IGFL2: variants seen among roughly 807,000 people sequenced by gnomAD.
IGFL2 encodes IGF like family member 2.
Under a neutral mutation model 13.9 loss-of-function variants are expected in IGFL2, and 7 were observed. That is an observed-to-expected ratio of 0.51 (90% CI 0.29 to 0.95). The LOEUF (loss-of-function observed/expected upper bound fraction) is 0.95. Ranked by LOEUF, IGFL2 falls within the 40% of genes least tolerant of loss-of-function variation. The pLI, the probability that IGFL2 is intolerant of heterozygous loss-of-function variation, is 0.08. For synonymous variants in IGFL2, 55 were observed against 55.8 expected (o/e 0.99, Z 0.07); for missense variants, 138 against 147.8 (o/e 0.93, Z 0.34).
the IGFL2 span, among the ~76,000 whole-genome samples, chr19:46,116,812 A>ATG: frequency 1.3e-5 from 2 of 152,332 alleles, no homozygotes; most frequent in East Asian, 3.9e-4. Context: ...GATTAAATCA[A>ATG]GCTAATTAAC....
At chr19:46,129,156 G>T in the IGFL2 span, among the ~76,000 whole-genome samples, 1 of 152,004 alleles carries the variant, frequency 6.6e-6, no homozygotes, top group Non-Finnish European at 1.5e-5. Flanking sequence ...TTCTCTGATG[G>T]TTATTATTTC....
Position 46,160,409 on chromosome 19 carries a change from T to A in IGFL2, c.20-6T>A, listed in dbSNP as rs1974091048. On this transcript the variant is annotated splice_polypyrimidine_tract_variant and splice_region_variant and intron_variant, in intron 1 of 3. Transcript: ENST00000377693. Reference sequence around the variant, plus strand: ...CCATCCTTAACCTCCTTTCTTTCTCTCCCAGCTCCTGCTTATGTGTCAGTC... The same window carrying A: ...CCATCCTTAACCTCCTTTCTTTCTCACCCAGCTCCTGCTTATGTGTCAGTC... 6.2e-7 allele frequency: 1 copy of A among 1,612,390 alleles called. No homozygotes were observed. The highest frequency in any genetic ancestry group is 8.5e-7 in the Non-Finnish European group (1 of 1,179,118).
the IGFL2 span, among the ~76,000 whole-genome samples, chr19:46,184,106 C>A: frequency 5.3e-5 from 8 of 152,260 alleles, no homozygotes; most frequent in African/African-American, 1.9e-4. Flanking sequence ...TTATTGGACA[C>A]ACTTCTAATT....
upstream of IGFL2, among the ~76,000 whole-genome samples, chr19:46,142,515 A>G (rs1331102547): frequency 6.6e-6 from 1 of 152,248 alleles, no homozygotes; most frequent in Non-Finnish European, 1.5e-5. Context: ...GAATCAAATT[A>G]TCTATTCCTT....
chr19:46,102,484 G>C, the IGFL2 span, among the ~76,000 whole-genome samples: 1 of 152,126 alleles, frequency 6.6e-6, no homozygotes. Flanking sequence ...CTTAATGGTG[G>C]GGAGGGTGTA....
chr19:46,142,171 A>G (rs755395898), upstream of IGFL2, among the ~76,000 whole-genome samples: 4 of 152,166 alleles, frequency 2.6e-5, no homozygotes, highest in Non-Finnish European at 5.9e-5. Context: ...CAATAACATA[A>G]ATGTGTGTAT....
intron 1 of IGFL2, 132 bp downstream of exon 1, chr19:46,148,429 T>A (rs1973257713): frequency 1.3e-6 from 1 of 796,682 alleles, no homozygotes; most frequent in African/African-American, 1.7e-5. Flanking sequence ...GTGTCCTCTC[T>A]GACTGCATTG....
At chr19:46,193,674 G>C in the IGFL2 span, among the ~76,000 whole-genome samples, 1 of 152,168 alleles carries the variant, frequency 6.6e-6, no homozygotes, top group Non-Finnish European at 1.5e-5. Flanking sequence ...ATTTGCACTA[G>C]CTTTGTGTCC....
rs1973244890 is a variant in IGFL2, at chr19:46,148,254, G to A, written c.-25G>A. ...TCACTGACCCATTTGCACTGCTGCTGTCCCATCAGCTGCTCTGAAGCTCCA... is the reference window on the plus strand; with the variant it reads ...TCACTGACCCATTTGCACTGCTGCTATCCCATCAGCTGCTCTGAAGCTCCA... On this transcript the variant is annotated 5_prime_UTR_variant, in exon 1 of 4. Coordinates refer to ENST00000377693, the MANE Select transcript of IGFL2 (RefSeq NM_001135113.2). 2.6e-6 allele frequency: 4 copies of A among 1,551,058 alleles called. No individual in the cohort carries two copies. Among genetic ancestry groups the A allele is most frequent in the Non-Finnish European group, 3.5e-6 (4 of 1,146,456 alleles).
chr19:46,192,972 T>G, the IGFL2 span, among the ~76,000 whole-genome samples: 1 of 148,388 alleles, frequency 6.7e-6, no homozygotes, highest in African/African-American at 2.4e-5. Flanking sequence ...GGTGGATCAC[T>G]TGAGGTCAGG....
chr19:46,183,537 C>CTT, the IGFL2 span, among the ~76,000 whole-genome samples: 9 of 137,726 alleles, frequency 6.5e-5, no homozygotes, highest in South Asian at 2.3e-4. Context: ...TTTCTGCAGA[C>CTT]TTTTTTTTTT....
At chr19:46,175,555 T>C in the IGFL2 span, among the ~76,000 whole-genome samples, 1 of 152,156 alleles carries the variant, frequency 6.6e-6, no homozygotes, top group African/African-American at 2.4e-5. Context: ...CAATTTTTTT[T>C]TTTAGACAGT....
chr19:46,201,747 G>A, the IGFL2 span, among the ~76,000 whole-genome samples: 13 of 152,180 alleles, frequency 8.5e-5, no homozygotes, highest in Admixed American at 8.5e-4. Flanking sequence ...GGGGATACAA[G>A]AGGAAGACGT....
chr19:46,123,680 T>C, the IGFL2 span, among the ~76,000 whole-genome samples: 2 of 150,680 alleles, frequency 1.3e-5, no homozygotes, highest in African/African-American at 4.9e-5. Context: ...AGATTGTGAG[T>C]TATTTATGCA....
At chr19:46,129,307 T>TTTTGTGTGTG in the IGFL2 span, among the ~76,000 whole-genome samples, 14 of 137,064 alleles carry the variant, frequency 1.0e-4, no homozygotes, top group African/African-American at 3.7e-4. Flanking sequence ...TGTTGATCTT[T>TTTTGTGTGTG]TGTGTGTGTG....
At chr19:46,162,538 G>A (rs541813375), downstream of IGFL2, among the ~76,000 whole-genome samples, 7 of 152,152 alleles carry the variant, frequency 4.6e-5, no homozygotes, top group African/African-American at 1.7e-4. Flanking sequence ...TTATTTCAAA[G>A]AACCAGTCTT....
At chr19:46,165,767 C>G (rs975382137), downstream of IGFL2, among the ~76,000 whole-genome samples, 1 of 152,206 alleles carries the variant, frequency 6.6e-6, no homozygotes, top group Non-Finnish European at 1.5e-5. Flanking sequence ...TTGATACAGG[C>G]AAAGGACATA....
chr19:46,153,733 C>A (rs185652008), intron 1 of IGFL2, among the ~76,000 whole-genome samples: 1 of 151,354 alleles, frequency 6.6e-6, no homozygotes, highest in East Asian at 1.9e-4. Flanking sequence ...AGTGCTGGAT[C>A]GCTAACTACT....
At chr19:46,079,130 T>G in the IGFL2 span, among the ~76,000 whole-genome samples, 1 of 151,894 alleles carries the variant, frequency 6.6e-6, no homozygotes, top group African/African-American at 2.4e-5. Flanking sequence ...GCAGGCGTCG[T>G]CAGTAGACAT....
Sources: gnomAD v4.1 joint callset for allele counts (sites outside exome capture counted in the v4.1 genomes callset) on GRCh38, gnomAD v4.1.1 for gene constraint, MANE v1.5 for transcripts, NCBI Gene and HGNC (gene_info 2026-07-23, HGNC 2026-07-21) for gene names.